PARN: variants seen among roughly 807,000 people sequenced by gnomAD.
PARN encodes the protein poly(A)-specific ribonuclease, also known as poly(A)-specific ribonuclease PARN.
In PARN, 71 loss-of-function variants were observed where a neutral mutation model predicts 102.8. That is an observed-to-expected ratio of 0.69 (90% CI 0.57 to 0.84). PARN has a LOEUF of 0.84. Ranked by LOEUF, PARN falls within the 40% of genes least tolerant of loss-of-function variation. The pLI is 0.00. For missense variants in PARN, 782 were observed against 760.9 expected (o/e 1.03, Z -0.33); for synonymous variants, 261 against 252.9 (o/e 1.03, Z -0.30).
At chr16:14,581,271 C>A (rs542981353) in intron 17 of PARN, among the ~76,000 whole-genome samples, 1 of 152,236 alleles carries the variant, frequency 6.6e-6, no homozygotes, top group East Asian at 1.9e-4. Flanking sequence ...AGGCTGGTCT[C>A]AAACTCCTAA....
Position 14,608,273 on chromosome 16 carries a change from ATACT to A in PARN, c.659+4_659+7del, listed in dbSNP as rs759131762. On this transcript the variant is annotated splice_donor_5th_base_variant and intron_variant, in intron 9 of 23. Transcript: ENST00000437198. ...CACAGAGCTGCTGCATACAATATAAATACTTACTTCCAGCTCAAAGTCTGATAAA... is the reference window on the plus strand; with the variant it reads ...CACAGAGCTGCTGCATACAATATAAATACTTCCAGCTCAAAGTCTGATAAA... 6.6e-5 allele frequency: 100 copies of A among 1,525,150 alleles called. No individual in the cohort carries two copies. The highest frequency in any genetic ancestry group is 1.7e-4 in the Middle Eastern group (1 of 5,942). The allele number at this position is 1,525,150 out of a possible 1,614,324, so 94.5% of individuals were successfully genotyped here.
At chr16:14,628,468 T>C (rs1006844139) in intron 2 of PARN, among the ~76,000 whole-genome samples, 2 of 152,204 alleles carry the variant, frequency 1.3e-5, no homozygotes, top group African/African-American at 4.8e-5. Context: ...AACATGAGAA[T>C]AGGCAGTTCC....
chr16:14,589,409 A>G (rs979991895), intron 13 of PARN, among the ~76,000 whole-genome samples: 2 of 151,552 alleles, frequency 1.3e-5, no homozygotes, highest in Non-Finnish European at 2.9e-5. Context: ...CAAAACTTTC[A>G]AAACAATTAG....
chr16:14,519,643 G>A (rs1441424659), intron 21 of PARN, among the ~76,000 whole-genome samples: 1 of 152,042 alleles, frequency 6.6e-6, no homozygotes, highest in Non-Finnish European at 1.5e-5. Context: ...GCATTAGTAA[G>A]GGTCAAAACT....
intron 20 of PARN, among the ~76,000 whole-genome samples, chr16:14,553,064 G>A (rs1967419924): frequency 6.6e-6 from 1 of 151,604 alleles, no homozygotes; most frequent in Non-Finnish European, 1.5e-5. Flanking sequence ...TGTATTATCA[G>A]TGCAGGAGGC....
At chr16:14,540,003 G>C (rs141926433) in intron 21 of PARN, among the ~76,000 whole-genome samples, 407 of 152,282 alleles carry the variant, frequency 2.7e-3, no homozygotes, top group African/African-American at 8.5e-3. Context: ...GATATGTACA[G>C]GTTATATGCA....
intron 18 of PARN, among the ~76,000 whole-genome samples, chr16:14,568,546 T>C (rs1968580010): frequency 6.6e-6 from 1 of 151,814 alleles, no homozygotes; most frequent in Admixed American, 6.6e-5. Context: ...CAATGAGCCA[T>C]GTCTGCTCCA....
At chr16:14,574,067 G>A (rs1413737643) in intron 18 of PARN, among the ~76,000 whole-genome samples, 2 of 152,166 alleles carry the variant, frequency 1.3e-5, no homozygotes, top group East Asian at 1.9e-4. Context: ...AAAAATGTGG[G>A]AAAGTTTGGA....
At chr16:14,549,824 T>C (rs1967182435) in intron 21 of PARN, among the ~76,000 whole-genome samples, 1 of 152,154 alleles carries the variant, frequency 6.6e-6, no homozygotes, top group Non-Finnish European at 1.5e-5. Flanking sequence ...CAACTTAATA[T>C]CCATGATCTC....
intron 21 of PARN, among the ~76,000 whole-genome samples, chr16:14,511,319 A>C (rs1313530295): frequency 6.6e-6 from 1 of 152,212 alleles, no homozygotes; most frequent in African/African-American, 2.4e-5. Flanking sequence ...CTATACCCTC[A>C]ACACCCTGCT....
intron 18 of PARN, among the ~76,000 whole-genome samples, chr16:14,556,245 G>C (rs1037718614): frequency 3.9e-5 from 6 of 151,920 alleles, no homozygotes; most frequent in Non-Finnish European, 7.4e-5. Context: ...TGCAACCTCT[G>C]CCTCCCAGGT....
chr16:14,590,163 A>C (rs1264555033), intron 13 of PARN, among the ~76,000 whole-genome samples: 2 of 147,956 alleles, frequency 1.4e-5, no homozygotes, highest in African/African-American at 2.5e-5. Context: ...AGTCAAGAGA[A>C]TCACTTGAAC....
chr16:14,588,199 C>T (rs1969972896), intron 13 of PARN, among the ~76,000 whole-genome samples: 1 of 152,100 alleles, frequency 6.6e-6, no homozygotes, highest in Non-Finnish European at 1.5e-5. Context: ...TTGAGAACAA[C>T]AAGAGAAAAT....
At chr16:14,447,954 C>G (rs1268943300) in intron 22 of PARN, among the ~76,000 whole-genome samples, 3 of 149,172 alleles carry the variant, frequency 2.0e-5, no homozygotes, top group Non-Finnish European at 4.4e-5. Flanking sequence ...ATCTATCTAT[C>G]TATCTATCTA....
At chr16:14,518,552 G>T (rs147932928) in intron 21 of PARN, among the ~76,000 whole-genome samples, 214 of 151,982 alleles carry the variant, frequency 1.4e-3, no homozygotes, top group Non-Finnish European at 2.5e-3. Context: ...AAAAAGCAAA[G>T]TAGAAAAAAG....
intron 21 of PARN, among the ~76,000 whole-genome samples, chr16:14,517,301 T>C (rs1965506763): frequency 6.6e-6 from 1 of 152,236 alleles, no homozygotes; most frequent in Non-Finnish European, 1.5e-5. Context: ...TAGCTTGTGC[T>C]GTCTTGCTGC....
chr16:14,447,199 G>T, intron 22 of PARN, 118 bp from the exon 23 acceptor site: 1 of 567,334 alleles, frequency 1.8e-6, no homozygotes, highest in Non-Finnish European at 2.9e-6. Context: ...CAACAACATG[G>T]GCAGCTGCTG....
At chr16:14,451,867 TACAAAA>T (rs1961466896) in intron 22 of PARN, among the ~76,000 whole-genome samples, 2 of 23,744 alleles carry the variant, frequency 8.4e-5, no homozygotes, top group African/African-American at 3.8e-4. Context: ...AAAAAAAAAA[TACAAAA>T]AAAAAAAAAA....
At chr16:14,534,545 C>T (rs970836976) in intron 21 of PARN, among the ~76,000 whole-genome samples, 8 of 151,902 alleles carry the variant, frequency 5.3e-5, no homozygotes, top group Non-Finnish European at 1.2e-4. Context: ...AGTTCATTTC[C>T]CCCCCTACAT....
Sources: gnomAD v4.1 joint callset for allele counts (sites outside exome capture counted in the v4.1 genomes callset) on GRCh38, gnomAD v4.1.1 for gene constraint, MANE v1.5 for transcripts, NCBI Gene and HGNC (gene_info 2026-07-23, HGNC 2026-07-21) for gene names.